The following KDM5C variants were observed in gnomAD, a reference collection of about 807,000 sequenced individuals.
KDM5C encodes the protein lysine-specific demethylase 5C.
A neutral mutation model predicts 110.6 loss-of-function variants in KDM5C; 16 were observed. That is an observed-to-expected ratio of 0.14 (90% CI 0.10 to 0.22). The LOEUF (loss-of-function observed/expected upper bound fraction) is 0.22, where lower values mean the gene tolerates loss of function less well. Ranked by LOEUF, KDM5C falls within the 10% of genes least tolerant of loss-of-function variation. The pLI is 1.00. For missense variants in KDM5C, 681 were observed against 1,300.9 expected (o/e 0.52, Z 7.33); for synonymous variants, 511 against 520.4 (o/e 0.98, Z 0.24).
downstream of KDM5C, among the ~76,000 whole-genome samples, chrX:53,190,730 C>T (rs376219135): frequency 8.9e-6 from 1 of 111,961 alleles, no homozygotes; most frequent in Non-Finnish European, 1.9e-5. Context: ...TGAAGCAGGG[C>T]TGAGCCAGAC....
intron 25 of KDM5C, among the ~76,000 whole-genome samples, chrX:53,177,879 T>A (rs1316323746): frequency 1.8e-5 from 2 of 111,708 alleles, no homozygotes; most frequent in African/African-American, 6.5e-5. Flanking sequence ...ACCCTTTATT[T>A]TCAGGGTCTC....
chrX:53,217,701 G>C, intron 4 of KDM5C, 95 bp downstream of exon 4: 1 of 955,037 alleles, frequency 1.0e-6, no homozygotes, highest in Non-Finnish European at 1.5e-6. Context: ...CCAACTCCCA[G>C]GTCTCCAGTC....
Position 53,195,084 on chromosome X carries a change from AAG to A in KDM5C, c.3301-18_3301-17del, listed in dbSNP as rs782429267. The A allele has an allele frequency of 4.2e-6, 5 of 1,204,467 alleles. No individual in the cohort carries two copies. The highest frequency in any genetic ancestry group is 5.6e-6 in the Non-Finnish European group (5 of 892,397). On this transcript the variant is annotated splice_polypyrimidine_tract_variant and intron_variant, in intron 21 of 25. Coordinates refer to ENST00000375401, the MANE Select transcript of KDM5C (RefSeq NM_004187.5). ...GGCAGAGAACCTGGGGCAGGCAGAC[AAG>A]AGAGGGAATGACTGGGCTTCCCTTA...
At position 53,196,570 on chromosome X, in the gene KDM5C, A is replaced by G; in HGVS notation, c.2981+116T>C. On this transcript the variant is annotated intron_variant, in intron 19 of 25. Transcript: ENST00000375401. ...TAGACAACAAAAGAGGGGAGAGTCA[A>G]TACAGTAACACAGGAGCGTGATACC... 3 of 593,441 alleles carry G rather than the reference A, an allele frequency of 5.1e-6. No homozygotes were observed. In the East Asian group the frequency reaches 9.8e-5, roughly 19 times the overall value. The allele number at this position is 593,441 out of a possible 1,213,427, so 48.9% of individuals were successfully genotyped here. A position where few individuals can be genotyped will look rare whatever the true frequency, so the allele number is the denominator to read the frequency against.
chrX:53,185,356 C>G (rs1321165050), intron 25 of KDM5C, among the ~76,000 whole-genome samples: 4 of 112,206 alleles, frequency 3.6e-5, no homozygotes, highest in African/African-American at 1.3e-4. Context: ...TTGAAGATGG[C>G]AGACCTTCTA....
rs781918536 is a variant in KDM5C at position 53,195,002 on chromosome X, G to A, written c.3367C>T (p.Leu1123=). 14 of 1,210,611 alleles carry A rather than the reference G, an allele frequency of 1.2e-5. No individual in the cohort carries two copies. In the South Asian group the frequency reaches 2.5e-4, roughly 21 times the overall value. Residue 1123 remains leucine, a synonymous_variant, in exon 22 of 26, where the codon CTG becomes TTG. Transcript: ENST00000375401. ...TKRSRWMEKE[L]GLYKSDTELL... The stretch of plus-strand genomic sequence containing the variant: ...TCTGTGTCAGATTTGTACAACCCCA[G>A]CTCCTTCTCCATCCACCGGCTGCGC...
intron 12 of KDM5C, among the ~76,000 whole-genome samples, chrX:53,209,683 G>A (rs959832712): frequency 1.1e-4 from 12 of 111,453 alleles, no homozygotes; most frequent in Non-Finnish European, 2.3e-4. Flanking sequence ...TACAGGACTA[G>A]TGATCAGGCT....
intron 25 of KDM5C, among the ~76,000 whole-genome samples, chrX:53,177,418 T>C (rs1045790593): frequency 1.8e-5 from 2 of 112,637 alleles, no homozygotes; most frequent in African/African-American, 6.4e-5. Context: ...ATTTTTCAAA[T>C]ATGTTTTTAG....
intron 10 of KDM5C, 45 bp downstream of exon 10, chrX:53,211,452 C>T: frequency 8.5e-7 from 1 of 1,180,242 alleles, no homozygotes; most frequent in South Asian, 1.8e-5. Context: ...AAATGATTTG[C>T]CTAAGCTCAC....
At chrX:53,183,564 C>CA (rs1323672039) in intron 25 of KDM5C, among the ~76,000 whole-genome samples, 2 of 102,449 alleles carry the variant, frequency 2.0e-5, no homozygotes, top group Non-Finnish European at 4.0e-5. Flanking sequence ...TTTTTCATTT[C>CA]TTTTTTTTTT....
chrX:53,220,763 G>C (rs1423039662), intron 2 of KDM5C, 76 bp downstream of exon 2: 1 of 857,745 alleles, frequency 1.2e-6, no homozygotes, highest in African/African-American at 2.0e-5. Context: ...CTCAGCCAGA[G>C]AAACTATAAG....
intron 25 of KDM5C, among the ~76,000 whole-genome samples, chrX:53,179,845 G>T (rs1556825316): frequency 8.9e-6 from 1 of 111,782 alleles, no homozygotes; most frequent in Non-Finnish European, 1.9e-5. Context: ...AATGCAAAAT[G>T]GTTCAGCCAC....
chrX:53,198,753 C>A lies in KDM5C; in HGVS notation c.2368+11G>T. 2 of 1,212,245 alleles carry A rather than the reference C, an allele frequency of 1.6e-6. No homozygotes were observed. The highest frequency in any genetic ancestry group is 2.2e-5 in the Admixed American group (1 of 46,118). On this transcript the variant is annotated intron_variant, in intron 16 of 25. Coordinates refer to ENST00000375401, the MANE Select transcript of KDM5C (RefSeq NM_004187.5). Reference sequence around the variant, plus strand: ...TGCCTGTGGAGTCCCTCCATCCCCCCCATCACTCACTGCGCTTCCGCCCAT... The same window carrying A: ...TGCCTGTGGAGTCCCTCCATCCCCCACATCACTCACTGCGCTTCCGCCCAT...
chrX:53,184,994 C>G (rs1934177855), intron 25 of KDM5C, among the ~76,000 whole-genome samples: 1 of 111,934 alleles, frequency 8.9e-6, no homozygotes, highest in African/African-American at 3.2e-5. Flanking sequence ...CAGGGGAATC[C>G]ATCGTTTAGG....
chrX:53,193,978 C>A, intron 23 of KDM5C, 127 bp from the exon 24 acceptor site: 1 of 945,076 alleles, frequency 1.1e-6, no homozygotes, highest in Admixed American at 2.6e-5. Flanking sequence ...AGGCTGCCAG[C>A]AGGGAGCAGA....
In KDM5C at chrX:53,196,811, T is replaced by C. The variant is rs1556837254; in HGVS notation, c.2856A>G (p.Gly952=). 2.5e-6 allele frequency: 3 copies of C among 1,211,561 alleles called. No individual in the cohort carries two copies. The highest frequency in any genetic ancestry group is 5.9e-5 in the East Asian group (2 of 33,819). ...ARRGTLAVMR[G]LLVAGASVAP... is the part of the protein sequence containing the mutation. The stretch of plus-strand genomic sequence containing the variant: ...CTACACTGGCACCCGCGACCAACAG[T>C]CCTCGCATGACAGCCAAGGTGCCCC... Residue 952 remains glycine (G), a synonymous_variant, in exon 19 of 26, where the codon GGA becomes GGG. Coordinates refer to ENST00000375401, the MANE Select transcript of KDM5C (RefSeq NM_004187.5).
intron 25 of KDM5C, among the ~76,000 whole-genome samples, chrX:53,181,858 A>G (rs868911849): frequency 2.8e-5 from 3 of 106,774 alleles, no homozygotes; most frequent in South Asian, 8.2e-4. Context: ...GAGCGATCTC[A>G]GCTCACTGCA....
intron 25 of KDM5C, among the ~76,000 whole-genome samples, chrX:53,182,364 T>A (rs1417972098): frequency 5.4e-5 from 6 of 111,240 alleles, no homozygotes; most frequent in Non-Finnish European, 1.1e-4. Context: ...ATTACAGGTG[T>A]GAGCCACTGC....
Position 53,192,858 on chromosome X carries a change from G to GGCC in KDM5C, c.*108_*109insGGC. 1.4e-6 allele frequency: 1 copy of GGCC among 728,431 alleles called. No individual in the cohort carries two copies. Among genetic ancestry groups the GGCC allele is most frequent in the Non-Finnish European group, 1.8e-6 (1 of 548,376 alleles). 60.0% of individuals were successfully genotyped at this position (728,431 alleles called of 1,213,427 possible). ...CAGGGGTGGGCGGGTAGCAGGGATG[G>GGCC]CCACCCCCCTACCCGCCCACCCCCC... On this transcript the variant is annotated 3_prime_UTR_variant, in exon 26 of 26. Transcript: ENST00000375401.
Sources: gnomAD v4.1 joint callset for allele counts (sites outside exome capture counted in the v4.1 genomes callset) on GRCh38, gnomAD v4.1.1 for gene constraint, MANE v1.5 for transcripts, NCBI Gene and HGNC (gene_info 2026-07-23, HGNC 2026-07-21) for gene names.